The following ETV6 variants were observed in gnomAD, a reference collection of about 807,000 sequenced individuals.
The protein encoded by ETV6 is ETS variant transcription factor 6.
ETV6 carries 16 observed loss-of-function variants against 51.1 expected under a neutral mutation model. The ratio of observed to expected loss-of-function variants is 0.31; its 90% CI spans 0.21 to 0.48. The LOEUF is 0.48. Among genes scored for constraint, ETV6 ranks in the 20% least tolerant of loss-of-function variants. ETV6 has a pLI of 0.99. For missense variants in ETV6, 458 were observed against 594.8 expected (o/e 0.77, Z 2.39); for synonymous variants, 240 against 224.1 (o/e 1.07, Z -0.64).
intron 1 of ETV6, among the ~76,000 whole-genome samples, chr12:11,657,800 C>T (rs1292715693): frequency 2.0e-5 from 3 of 152,186 alleles, no homozygotes; most frequent in South Asian, 2.1e-4. Context: ...CCAGTCACCA[C>T]GTCTTTCGAT....
At chr12:11,741,504 G>A (rs751936326) in intron 1 of ETV6, among the ~76,000 whole-genome samples, 1 of 152,214 alleles carries the variant, frequency 6.6e-6, no homozygotes, top group African/African-American at 2.4e-5. Context: ...AGTGCAGCCA[G>A]TGCTCAGGAC....
chr12:11,865,187 C>T (rs1316588353), intron 4 of ETV6, among the ~76,000 whole-genome samples: 2 of 147,494 alleles, frequency 1.4e-5, no homozygotes, highest in African/African-American at 5.0e-5. Flanking sequence ...GGAGGTGGAG[C>T]TTGCAGTGAG....
chr12:11,870,293 G>A (rs924247059), intron 5 of ETV6, among the ~76,000 whole-genome samples: 1 of 152,156 alleles, frequency 6.6e-6, no homozygotes, highest in Non-Finnish European at 1.5e-5. Context: ...TAATGGCCCT[G>A]TCCTGAAGTT....
At chr12:11,650,219 C>A in intron 1 of ETV6, 59 bp downstream of exon 1, 2 of 1,456,386 alleles carry the variant, frequency 1.4e-6, no homozygotes, top group Non-Finnish European at 1.9e-6. Context: ...CCGGCCAGGG[C>A]AGTCGTGCTG....
intron 1 of ETV6, chr12:11,750,921 T>C: frequency 2.1e-6 from 1 of 467,962 alleles, no homozygotes; most frequent in Non-Finnish European, 4.1e-6. Context: ...AAAAGTGCAG[T>C]TGAAAGTTTT....
chr12:11,840,753 T>G (rs989004286), intron 3 of ETV6: 12 of 316,608 alleles, frequency 3.8e-5, no homozygotes, highest in Non-Finnish European at 6.9e-5. Flanking sequence ...AATTGAGTAA[T>G]TTGGAAGGGA....
intron 4 of ETV6, among the ~76,000 whole-genome samples, chr12:11,868,597 C>G (rs576258361): frequency 6.6e-6 from 1 of 151,538 alleles, no homozygotes; most frequent in South Asian, 2.1e-4. Context: ...GCCACCGCAC[C>G]CAGCCAGGAG....
rs1947281976 is a variant in ETV6 at position 11,891,196 on chromosome 12, G to C, written c.*150G>C. On this transcript the variant is annotated 3_prime_UTR_variant, in exon 8 of 8. Coordinates refer to ENST00000396373, the MANE Select transcript of ETV6 (RefSeq NM_001987.5). ...GGGACACTTCTCTTGCAGACCAAGA[G>C]GGACCCTGGAGCACCTTAGACAAAC... 1.9e-5 allele frequency: 12 copies of C among 615,896 alleles called. No homozygotes were observed. In the South Asian group the frequency reaches 2.1e-4, roughly 11 times the overall value. 38.2% of individuals were successfully genotyped at this position (615,896 alleles called of 1,614,324 possible).
rs148462868 is a variant in ETV6, at chr12:11,728,735, C to T, written c.34-23715C>T. On this transcript the variant is annotated intron_variant, in intron 1 of 7. Transcript: ENST00000396373. ...ATCCCCTTCAGGTTAAGATTTATGA[C>T]ATTAGCTTCACTATTGAATTGGATC... is the stretch of plus-strand genomic sequence containing the variant. Among the ~76,000 whole-genome samples, 33 of 152,266 alleles carry T rather than the reference C, an allele frequency of 2.2e-4. No homozygotes were observed. The East Asian group carries it at 6.4e-3, about 29-fold the overall frequency.
At chr12:11,677,512 C>G (rs1014498838) in intron 1 of ETV6, among the ~76,000 whole-genome samples, 4 of 152,168 alleles carry the variant, frequency 2.6e-5, no homozygotes, top group Non-Finnish European at 5.9e-5. Context: ...CTAGATTTTT[C>G]TTTATATGAA....
At chr12:11,823,655 A>T (rs903870788) in intron 2 of ETV6, among the ~76,000 whole-genome samples, 7 of 151,878 alleles carry the variant, frequency 4.6e-5, no homozygotes, top group Middle Eastern at 3.2e-3. Context: ...TTCAGTAGAG[A>T]CGGGGTTTCA....
At position 11,858,684 on chromosome 12, in the gene ETV6, G is replaced by A. The variant is rs145294270; in HGVS notation, c.463+5123G>A. 4.8e-3 allele frequency among the ~76,000 whole-genome samples: 727 copies of A among 152,262 alleles called. 3 individuals carry two copies. The highest frequency in any genetic ancestry group is 8.2e-3 in the Non-Finnish European group (556 of 68,024). Reference sequence around the variant, plus strand: ...CTCTGCCCCATCAAAGAGATTATGGGGCAGTGATTCTTAATCACTTTAATT... The same window carrying A: ...CTCTGCCCCATCAAAGAGATTATGGAGCAGTGATTCTTAATCACTTTAATT... On this transcript the variant is annotated intron_variant, in intron 4 of 7. Coordinates refer to ENST00000396373, the MANE Select transcript of ETV6 (RefSeq NM_001987.5).
intron 3 of ETV6, among the ~76,000 whole-genome samples, chr12:11,851,354 A>T (rs1448872989): frequency 6.6e-6 from 1 of 152,166 alleles, no homozygotes; most frequent in Non-Finnish European, 1.5e-5. Context: ...CCTGTAAATT[A>T]GCAAAAGTTC....
chr12:11,762,305 A>G (rs374857551), intron 2 of ETV6, among the ~76,000 whole-genome samples: 179 of 152,294 alleles, frequency 1.2e-3, no homozygotes, highest in African/African-American at 3.9e-3. Flanking sequence ...TGCAACATGC[A>G]CAGGTGTGGC....
chr12:11,693,361 G>C (rs779091389), intron 1 of ETV6, among the ~76,000 whole-genome samples: 1 of 152,140 alleles, frequency 6.6e-6, no homozygotes, highest in Non-Finnish European at 1.5e-5. Flanking sequence ...CTTCAGTTTT[G>C]GGGTTTGTAG....
At chr12:11,791,256 G>A (rs1945583815) in intron 2 of ETV6, among the ~76,000 whole-genome samples, 1 of 151,766 alleles carries the variant, frequency 6.6e-6, no homozygotes, top group African/African-American at 2.4e-5. Flanking sequence ...TGGTGTCTTT[G>A]TCCTTGTAGA....
chr12:11,811,488 G>C (rs1344126777), intron 2 of ETV6, among the ~76,000 whole-genome samples: 1 of 152,032 alleles, frequency 6.6e-6, no homozygotes, highest in Admixed American at 6.6e-5. Flanking sequence ...TACTCCTTGA[G>C]CATGGATTTT....
chr12:11,654,746 C>T (rs752076531), intron 1 of ETV6, among the ~76,000 whole-genome samples: 1 of 152,134 alleles, frequency 6.6e-6, no homozygotes, highest in Non-Finnish European at 1.5e-5. Context: ...TTACAGTGCA[C>T]AAAGGCCTGC....
At chr12:11,706,921 C>T (rs1865082911) in intron 1 of ETV6, among the ~76,000 whole-genome samples, 1 of 152,222 alleles carries the variant, frequency 6.6e-6, no homozygotes, top group Non-Finnish European at 1.5e-5. Context: ...TTTGTACTGT[C>T]AGGTAGACCT....
Sources: gnomAD v4.1 joint callset for allele counts (sites outside exome capture counted in the v4.1 genomes callset) on GRCh38, gnomAD v4.1.1 for gene constraint, MANE v1.5 for transcripts, NCBI Gene and HGNC (gene_info 2026-07-23, HGNC 2026-07-21) for gene names.